The following TLL1 variants were observed in gnomAD, a reference collection of about 807,000 sequenced individuals.
TLL1 encodes the protein tolloid like 1.
TLL1 carries 49 observed loss-of-function variants against 128.2 expected under a neutral mutation model. The ratio of observed to expected loss-of-function variants is 0.38; its 90% CI spans 0.30 to 0.48. The LOEUF (loss-of-function observed/expected upper bound fraction) is 0.48, where lower values mean the gene tolerates loss of function less well. Ranked by LOEUF, TLL1 falls within the 20% of genes least tolerant of loss-of-function variation. The pLI, the probability that TLL1 is intolerant of heterozygous loss-of-function variation, is 0.96. For missense variants in TLL1, 1,123 were observed against 1,242.0 expected, an observed-to-expected ratio of 0.90 and a Z score of 1.44; for synonymous variants, 454 against 418.8, an observed-to-expected ratio of 1.08 and a Z score of -1.03.
chr4:165,972,083 A>G (rs1560781622), intron 1 of TLL1, among the ~76,000 whole-genome samples: 1 of 152,186 alleles, frequency 6.6e-6, no homozygotes, highest in East Asian at 1.9e-4. Context: ...TCCCTCTAGG[A>G]CAGATTGCTT....
intron 1 of TLL1, 94 bp downstream of exon 1, chr4:165,874,167 C>A: frequency 6.7e-7 from 1 of 1,486,874 alleles, no homozygotes; most frequent in Non-Finnish European, 9.3e-7. Context: ...GTTTCCTTCC[C>A]TCCCGCGTCA....
chr4:165,877,045 C>T (rs1324439029), intron 1 of TLL1, among the ~76,000 whole-genome samples: 1 of 152,154 alleles, frequency 6.6e-6, no homozygotes, highest in Non-Finnish European at 1.5e-5. Flanking sequence ...CATTTACAAA[C>T]TTTTTTCTAA....
At position 165,873,634 on chromosome 4, in the gene TLL1, C is replaced by A. The variant is rs989051946; in HGVS notation, c.-271C>A. The A allele has an allele frequency of 3.5e-5, 11 of 310,598 alleles. No individual in the cohort carries two copies. Among genetic ancestry groups the A allele is most frequent in the Non-Finnish European group, 5.9e-5 (10 of 169,220 alleles). The allele number at this position is 310,598 out of a possible 1,614,324, so 19.2% of individuals were successfully genotyped here. A position where few individuals can be genotyped will look rare whatever the true frequency, so the allele number is the denominator to read the frequency against. On this transcript the variant is annotated 5_prime_UTR_variant, in exon 1 of 21. Transcript: ENST00000061240. ...GAGCCGAGTTTGCCTGCGCCCTCCC[C>A]GCCTCCGAGTGCAGAGTTCCTTACC...
chr4:165,991,665 A>AT (rs33919577), intron 2 of TLL1, among the ~76,000 whole-genome samples: 80 of 150,824 alleles, frequency 5.3e-4, no homozygotes, highest in East Asian at 1.2e-3. Context: ...AGATTTTATC[A>AT]TTTTTTTTTA....
chr4:166,002,192 C>T (rs1209296468), intron 5 of TLL1, among the ~76,000 whole-genome samples: 1 of 152,104 alleles, frequency 6.6e-6, no homozygotes, highest in African/African-American at 2.4e-5. Flanking sequence ...GCTGTGTTCT[C>T]ACATGTCAGA....
intron 1 of TLL1, among the ~76,000 whole-genome samples, chr4:165,987,551 C>G (rs979752593): frequency 6.6e-6 from 1 of 152,016 alleles, no homozygotes; most frequent in African/African-American, 2.4e-5. Context: ...GTAAGCATTT[C>G]TTTGCTTCTT....
At chr4:165,937,171 T>A (rs917792232) in intron 1 of TLL1, among the ~76,000 whole-genome samples, 2 of 152,196 alleles carry the variant, frequency 1.3e-5, no homozygotes, top group Non-Finnish European at 2.9e-5. Context: ...CCAAGATCCC[T>A]TCATTTATCA....
chr4:166,042,857 A>G (rs920622768), intron 11 of TLL1, among the ~76,000 whole-genome samples: 7 of 152,168 alleles, frequency 4.6e-5, no homozygotes, highest in Non-Finnish European at 1.0e-4. Flanking sequence ...ACATGACACT[A>G]ACTCGCTGCC....
At chr4:165,883,359 A>AT (rs1317313438) in intron 1 of TLL1, among the ~76,000 whole-genome samples, 1 of 151,904 alleles carries the variant, frequency 6.6e-6, no homozygotes, top group African/African-American at 2.4e-5. Flanking sequence ...TTTAAAAATT[A>AT]TTTTTTCAGG....
chr4:165,873,970 C>T lies in TLL1; in HGVS notation c.66C>T (p.Tyr22=). ...VWLVASGIVF[Y]GELWVCAGLD... ...TGGTGGCCTCGGGGATTGTTTTCTA[C>T]GGGGAGCTATGGGTCTGCGCTGGCC... Residue 22 remains tyrosine (Y), a synonymous_variant, in exon 1 of 21, where the codon TAC becomes TAT. Coordinates refer to ENST00000061240, the MANE Select transcript of TLL1 (RefSeq NM_012464.5). The T allele has an allele frequency of 3.1e-6, 5 of 1,614,138 alleles. No homozygotes were observed. Among genetic ancestry groups the T allele is most frequent in the Non-Finnish European group, 4.2e-6 (5 of 1,180,024 alleles).
intron 13 of TLL1, among the ~76,000 whole-genome samples, chr4:166,055,800 A>G (rs1450447246): frequency 1.3e-5 from 2 of 152,056 alleles, no homozygotes; most frequent in East Asian, 3.9e-4. Flanking sequence ...TATGTCCCAT[A>G]TTTTGTATGT....
rs943761546 is a variant in TLL1 at position 166,002,705 on chromosome 4, G to A, written c.633-686G>A. ...AACAGTCCTCCCAGGTTGGCCTTCCGAAGTGCTAGGATTACAGGCATGAGC... is the reference window on the plus strand; with the variant it reads ...AACAGTCCTCCCAGGTTGGCCTTCCAAAGTGCTAGGATTACAGGCATGAGC... On this transcript the variant is annotated intron_variant, in intron 5 of 20. Coordinates refer to ENST00000061240, the MANE Select transcript of TLL1 (RefSeq NM_012464.5). 7.9e-5 allele frequency among the ~76,000 whole-genome samples: 12 copies of A among 152,138 alleles called. No individual in the cohort carries two copies. In the East Asian group the frequency reaches 1.7e-3, roughly 22 times the overall value.
chr4:166,067,892 C>T (rs1288175752), intron 16 of TLL1, among the ~76,000 whole-genome samples: 1 of 151,718 alleles, frequency 6.6e-6, no homozygotes, highest in East Asian at 1.9e-4. Context: ...AGCATTTAAA[C>T]CTAGTATCTC....
At chr4:165,936,959 C>T (rs1313833423) in intron 1 of TLL1, among the ~76,000 whole-genome samples, 3 of 151,936 alleles carry the variant, frequency 2.0e-5, no homozygotes, top group Admixed American at 1.3e-4. Context: ...ACGAAAGACA[C>T]CCAGAAATGT....
At chr4:165,985,647 T>C (rs1048831879) in intron 1 of TLL1, among the ~76,000 whole-genome samples, 1 of 151,944 alleles carries the variant, frequency 6.6e-6, no homozygotes. Flanking sequence ...ATTGGGGACA[T>C]GGGTGGAAGT....
chr4:166,023,826 A>C (rs1738360461), intron 8 of TLL1, among the ~76,000 whole-genome samples: 1 of 152,142 alleles, frequency 6.6e-6, no homozygotes, highest in Non-Finnish European at 1.5e-5. Flanking sequence ...ATTGTACTTG[A>C]GGAAATTCAG....
At chr4:166,058,271 C>T (rs1740124318) in intron 14 of TLL1, among the ~76,000 whole-genome samples, 1 of 152,066 alleles carries the variant, frequency 6.6e-6, no homozygotes, top group Admixed American at 6.6e-5. Flanking sequence ...TCCATTTCTC[C>T]ATCCATCCAT....
chr4:165,916,429 A>G lies in TLL1; in HGVS notation c.169+42356A>G, dbSNP rs147418709. Among the ~76,000 whole-genome samples the G allele has an allele frequency of 3.2e-3, 485 of 152,324 alleles. 7 individuals are homozygous for G. The highest frequency in any genetic ancestry group is 0.011 in the African/African-American group (445 of 41,572). ...AAAAGACGAAAAAGTTACTGAACTC[A>G]ATTATGGCATGCTGAAATATTTAGG... On this transcript the variant is annotated intron_variant, in intron 1 of 20. Transcript: ENST00000061240.
At chr4:166,054,741 T>C (rs1579681087) in intron 12 of TLL1, among the ~76,000 whole-genome samples, 1 of 147,724 alleles carries the variant, frequency 6.8e-6, no homozygotes, top group African/African-American at 2.7e-5. Context: ...TTAGTGATAA[T>C]TTTTAATTTT....
Sources: allele counts gnomAD v4.1 joint callset (sites outside exome capture counted in the v4.1 genomes callset), GRCh38; gene constraint gnomAD v4.1.1; transcripts MANE v1.5; gene names NCBI Gene and HGNC (gene_info 2026-07-23, HGNC 2026-07-21).